The following TBC1D5 variants were observed in gnomAD, a reference collection of about 807,000 sequenced individuals.
The protein encoded by TBC1D5 is TBC1 domain family, member 5.
A neutral mutation model predicts 100.3 loss-of-function variants in TBC1D5; 75 were observed. The observed-to-expected ratio is 0.75, with a 90% CI of 0.62 to 0.91. The LOEUF (loss-of-function observed/expected upper bound fraction) is 0.91, where lower values mean the gene tolerates loss of function less well. TBC1D5 is among the 40% of genes least tolerant of loss of function. TBC1D5 has a pLI of 0.00. For missense variants in TBC1D5, 910 were observed against 942.4 expected, an observed-to-expected ratio of 0.97 and a Z score of 0.45; for synonymous variants, 323 against 325.6, an observed-to-expected ratio of 0.99 and a Z score of 0.09.
chr3:17,454,990 T>A (rs113927152), intron 3 of TBC1D5, among the ~76,000 whole-genome samples: 2 of 151,676 alleles, frequency 1.3e-5, no homozygotes, highest in African/African-American at 4.8e-5. Flanking sequence ...ATTGGAAACC[T>A]CAACATTGCT....
At chr3:17,161,482 T>C (rs1471756700) in intron 21 of TBC1D5, among the ~76,000 whole-genome samples, 1 of 152,242 alleles carries the variant, frequency 6.6e-6, no homozygotes, top group African/African-American at 2.4e-5. Flanking sequence ...AAATGCTGGC[T>C]TCCCTGGGGG....
chr3:17,559,653 G>C (rs555922532), intron 2 of TBC1D5, among the ~76,000 whole-genome samples: 3 of 149,412 alleles, frequency 2.0e-5, no homozygotes, highest in Non-Finnish European at 4.5e-5. Flanking sequence ...GCAACGGCGC[G>C]ATCTCGGCTC....
intron 18 of TBC1D5, among the ~76,000 whole-genome samples, chr3:17,188,490 C>T (rs963729804): frequency 2.6e-5 from 4 of 152,188 alleles, no homozygotes; most frequent in Non-Finnish European, 4.4e-5. Context: ...GAGGACTACT[C>T]TGGCTGAAGC....
intron 1 of TBC1D5, among the ~76,000 whole-genome samples, chr3:17,683,022 C>T (rs1208561041): frequency 6.6e-6 from 1 of 151,384 alleles, no homozygotes; most frequent in Non-Finnish European, 1.5e-5. Flanking sequence ...AGATCTTTTC[C>T]TCTTAGTCTC....
intron 14 of TBC1D5, among the ~76,000 whole-genome samples, chr3:17,297,170 C>A (rs1269894355): frequency 6.6e-6 from 1 of 152,194 alleles, no homozygotes; most frequent in African/African-American, 2.4e-5. Context: ...CCAGGAATGC[C>A]GTTTGTACTA....
At chr3:17,385,511 G>A (rs750298357) in intron 8 of TBC1D5, among the ~76,000 whole-genome samples, 21 of 152,096 alleles carry the variant, frequency 1.4e-4, no homozygotes, top group Middle Eastern at 3.4e-3. Context: ...TTGGTGCCTT[G>A]GACAGTTATA....
chr3:17,735,924 C>T (rs1160944446), intron 1 of TBC1D5, among the ~76,000 whole-genome samples: 1 of 152,208 alleles, frequency 6.6e-6, no homozygotes, highest in African/African-American at 2.4e-5. Flanking sequence ...GGCTCCCATA[C>T]AAGGGAGGGG....
At chr3:17,639,445 G>A (rs1245812748) in intron 1 of TBC1D5, among the ~76,000 whole-genome samples, 1 of 151,480 alleles carries the variant, frequency 6.6e-6, no homozygotes, top group East Asian at 1.9e-4. Context: ...CTGAGTCATG[G>A]TGACAGCCAC....
intron 4 of TBC1D5, among the ~76,000 whole-genome samples, chr3:17,418,383 G>A (rs2094133724): frequency 1.3e-5 from 2 of 152,050 alleles, no homozygotes; most frequent in African/African-American, 4.8e-5. Context: ...TGAGGTGGGT[G>A]GATCACCTGA....
chr3:17,656,153 A>G (rs538160975), intron 1 of TBC1D5, among the ~76,000 whole-genome samples: 1 of 152,282 alleles, frequency 6.6e-6, no homozygotes, highest in Admixed American at 6.5e-5. Context: ...GATCACAATC[A>G]CTCTCTCAAA....
rs112528129 is a variant in TBC1D5 at position 17,163,483 on chromosome 3, C to G, written c.2095-2227G>C. On this transcript the variant is annotated intron_variant, in intron 21 of 21. Coordinates refer to ENST00000253692, the Ensembl canonical transcript of TBC1D5. ...ACATTTACAGAAGTTTTGTAAATCC[C>G]TAGGTCAATCCTCTCTTTTTACCCA... Among the ~76,000 whole-genome samples the G allele has an allele frequency of 7.4e-3, 1,127 of 152,274 alleles. 8 individuals are homozygous for G. Among genetic ancestry groups the G allele is most frequent in the Admixed American group, 0.021 (315 of 15,296 alleles).
intron 4 of TBC1D5, among the ~76,000 whole-genome samples, chr3:17,419,536 T>A (rs759767534): frequency 2.0e-5 from 3 of 152,090 alleles, no homozygotes; most frequent in Non-Finnish European, 4.4e-5. Flanking sequence ...TGCTGAAGAG[T>A]GGAAAATGAA....
At chr3:17,358,192 G>C (rs957125521) in intron 13 of TBC1D5, among the ~76,000 whole-genome samples, 5 of 151,652 alleles carry the variant, frequency 3.3e-5, no homozygotes, top group African/African-American at 1.2e-4. Flanking sequence ...GTTTGTTTTT[G>C]TTTTTGTTTT....
At chr3:17,619,053 GCCC>G (rs2062428670) in intron 2 of TBC1D5, among the ~76,000 whole-genome samples, 3 of 152,076 alleles carry the variant, frequency 2.0e-5, no homozygotes, top group Non-Finnish European at 4.4e-5. Context: ...TTTTCAGAAA[GCCC>G]CTTTTTAATA....
chr3:17,327,930 C>G (rs981289622), intron 13 of TBC1D5, among the ~76,000 whole-genome samples: 1 of 151,932 alleles, frequency 6.6e-6, no homozygotes, highest in Non-Finnish European at 1.5e-5. Context: ...TTTATAAAAT[C>G]TAGTAGAAAT....
At chr3:17,668,227 T>C (rs1214140956) in intron 1 of TBC1D5, among the ~76,000 whole-genome samples, 4 of 150,158 alleles carry the variant, frequency 2.7e-5, no homozygotes, top group Middle Eastern at 3.5e-3. Flanking sequence ...GAAAGAAATG[T>C]GTATGAGCTG....
intron 2 of TBC1D5, among the ~76,000 whole-genome samples, chr3:17,600,364 AT>A (rs1173394995): frequency 6.6e-6 from 1 of 152,210 alleles, no homozygotes; most frequent in Non-Finnish European, 1.5e-5. Flanking sequence ...ACATGTATTT[AT>A]TAATGCTAGT....
intron 3 of TBC1D5, among the ~76,000 whole-genome samples, chr3:17,439,546 A>C (rs1038982877): frequency 6.6e-6 from 1 of 152,148 alleles, no homozygotes; most frequent in Non-Finnish European, 1.5e-5. Flanking sequence ...TTCAAATATC[A>C]ATTTTTTTTA....
At chr3:17,440,783 A>C (rs887557657) in intron 3 of TBC1D5, among the ~76,000 whole-genome samples, 1 of 152,018 alleles carries the variant, frequency 6.6e-6, no homozygotes, top group Non-Finnish European at 1.5e-5. Context: ...CTGGGATTAC[A>C]GGTGTGAGCC....
Sources: allele counts gnomAD v4.1 joint callset (sites outside exome capture counted in the v4.1 genomes callset), GRCh38; gene constraint gnomAD v4.1.1; transcripts MANE v1.5; gene names NCBI Gene and HGNC (gene_info 2026-07-23, HGNC 2026-07-21).